Variants in ADGRB3 observed in about 807,000 individuals in gnomAD.
The protein encoded by ADGRB3 is adhesion G protein-coupled receptor B3.
In ADGRB3, 37 loss-of-function variants were observed where a neutral mutation model predicts 193.4. That is an observed-to-expected ratio of 0.19 (90% confidence interval 0.15 to 0.25). The LOEUF (loss-of-function observed/expected upper bound fraction) is 0.25. Ranked by LOEUF, ADGRB3 falls within the 10% of genes least tolerant of loss-of-function variation. ADGRB3 has a pLI of 1.00. For synonymous variants in ADGRB3, 690 were observed against 644.2 expected, an observed-to-expected ratio of 1.07 and a Z score of -1.08; for missense variants, 1,637 against 1,852.9, an observed-to-expected ratio of 0.88 and a Z score of 2.14.
At position 68,933,111 on chromosome 6, in the gene ADGRB3, T is replaced by C. The variant is rs149436448; in HGVS notation, c.868+2442T>C. Reference sequence around the variant, plus strand: ...AAATTAAATGATATCATATAATATATATATTTAATATAGACATCTAAATTA... The same window carrying C: ...AAATTAAATGATATCATATAATATACATATTTAATATAGACATCTAAATTA... On this transcript the variant is annotated intron_variant, in intron 4 of 31. Coordinates refer to ENST00000370598, the MANE Select transcript of ADGRB3 (RefSeq NM_001704.3). 4.2e-4 allele frequency among the ~76,000 whole-genome samples: 64 copies of C among 150,970 alleles called. No individual in the cohort carries two copies. The East Asian group carries it at 0.012, about 28-fold the overall frequency.
At chr6:69,105,684 G>A (rs960177766) in intron 17 of ADGRB3, among the ~76,000 whole-genome samples, 35 of 152,174 alleles carry the variant, frequency 2.3e-4, no homozygotes, top group African/African-American at 8.2e-4. Flanking sequence ...ATCATATAAT[G>A]CAGTTACTAG....
intron 3 of ADGRB3, among the ~76,000 whole-genome samples, chr6:68,823,819 A>G (rs73465077): frequency 0.043 from 6,565 of 152,234 alleles, 438 homozygotes; most frequent in African/African-American, 0.15. Flanking sequence ...CCTTCAAGTT[A>G]AAAGTGTCAT....
At chr6:69,006,697 C>T (rs6920896) in intron 11 of ADGRB3, among the ~76,000 whole-genome samples, 2 of 149,288 alleles carry the variant, frequency 1.3e-5, no homozygotes, top group East Asian at 2.0e-4. Flanking sequence ...TAGTAGAGAC[C>T]GAGTTTCACC....
At chr6:69,301,357 T>A (rs1306521137) in intron 20 of ADGRB3, among the ~76,000 whole-genome samples, 1 of 151,874 alleles carries the variant, frequency 6.6e-6, no homozygotes, top group Non-Finnish European at 1.5e-5. Context: ...TATTACCTAC[T>A]GTGCTACTGT....
chr6:69,299,587 T>C (rs371568007), intron 20 of ADGRB3, among the ~76,000 whole-genome samples: 1 of 152,062 alleles, frequency 6.6e-6, no homozygotes. Context: ...TCTAGTTTCA[T>C]TCTTCTGCAT....
chr6:68,802,123 C>T (rs1219328580), intron 3 of ADGRB3, among the ~76,000 whole-genome samples: 1 of 151,636 alleles, frequency 6.6e-6, no homozygotes, highest in African/African-American at 2.4e-5. Flanking sequence ...GACATAAACC[C>T]AAGACTCTCA....
rs182599623 is a variant in ADGRB3 at position 68,678,145 on chromosome 6, G to A, written c.757+38713G>A. On this transcript the variant is annotated intron_variant, in intron 3 of 31. Transcript: ENST00000370598. ...TTTAAAATACACTTTCAGGGCCTGG[G>A]TACTGTGGCTCATGCTTGTAATCCC... is the stretch of plus-strand genomic sequence containing the variant. 1.6e-3 allele frequency among the ~76,000 whole-genome samples: 243 copies of A among 152,158 alleles called. 3 individuals are homozygous for A. Among genetic ancestry groups the A allele is most frequent in the African/African-American group, 5.5e-3 (229 of 41,516 alleles).
At chr6:69,233,113 C>G (rs750655975) in intron 17 of ADGRB3, 177 bp from the exon 18 acceptor site, 2 of 904,180 alleles carry the variant, frequency 2.2e-6, no homozygotes, top group Admixed American at 2.7e-5. Context: ...CCCACTCTCG[C>G]TTTGCATTAC....
chr6:69,251,201 C>T (rs1766610326), intron 20 of ADGRB3, among the ~76,000 whole-genome samples: 2 of 152,160 alleles, frequency 1.3e-5, no homozygotes, highest in Non-Finnish European at 1.5e-5. Context: ...TTTTATATTC[C>T]TCCCTTATTA....
intron 3 of ADGRB3, among the ~76,000 whole-genome samples, chr6:68,886,070 C>T (rs1320481242): frequency 6.6e-6 from 1 of 152,022 alleles, no homozygotes; most frequent in Non-Finnish European, 1.5e-5. Flanking sequence ...GCCCTATAAA[C>T]GTTAGGAATG....
intron 3 of ADGRB3, among the ~76,000 whole-genome samples, chr6:68,864,124 TA>T (rs922870073): frequency 2.0e-5 from 3 of 152,210 alleles, no homozygotes; most frequent in African/African-American, 7.2e-5. Flanking sequence ...AAAAAACAAA[TA>T]TTTCAGATAT....
intron 17 of ADGRB3, among the ~76,000 whole-genome samples, chr6:69,155,592 A>G (rs1774811859): frequency 1.3e-5 from 2 of 152,236 alleles, no homozygotes; most frequent in African/African-American, 4.8e-5. Context: ...TTGAATCATC[A>G]TAGAATAGGG....
intron 3 of ADGRB3, among the ~76,000 whole-genome samples, chr6:68,685,614 T>G (rs962104235): frequency 6.6e-6 from 1 of 151,704 alleles, no homozygotes; most frequent in South Asian, 2.1e-4. Context: ...AGAAAGGGAA[T>G]TAAAAAAATA....
intron 10 of ADGRB3, among the ~76,000 whole-genome samples, chr6:68,982,108 A>G (rs1042736553): frequency 2.0e-5 from 3 of 151,132 alleles, no homozygotes; most frequent in Admixed American, 6.6e-5. Flanking sequence ...CTGGTCTTGA[A>G]CTCCTGACCT....
intron 3 of ADGRB3, among the ~76,000 whole-genome samples, chr6:68,718,467 G>A (rs1765521525): frequency 6.6e-6 from 1 of 151,758 alleles, no homozygotes; most frequent in African/African-American, 2.4e-5. Context: ...TAGTGCCTCT[G>A]TCAGCTCCAC....
chr6:68,784,950 C>A (rs1766930385), intron 3 of ADGRB3, among the ~76,000 whole-genome samples: 1 of 151,966 alleles, frequency 6.6e-6, no homozygotes, highest in African/African-American at 2.4e-5. Context: ...CAGATTACTG[C>A]CAAATATTGT....
chr6:69,008,758 C>T (rs1218662341), intron 11 of ADGRB3, among the ~76,000 whole-genome samples: 2 of 152,224 alleles, frequency 1.3e-5, no homozygotes, highest in African/African-American at 4.8e-5. Context: ...TGAATATCCA[C>T]AGCTGCTTCC....
intron 17 of ADGRB3, among the ~76,000 whole-genome samples, chr6:69,098,475 G>A (rs1330683335): frequency 6.6e-6 from 1 of 152,150 alleles, no homozygotes; most frequent in Non-Finnish European, 1.5e-5. Flanking sequence ...AGGAAAAGAG[G>A]TTTAATTGAC....
intron 30 of ADGRB3, among the ~76,000 whole-genome samples, chr6:69,373,579 C>T (rs1769750436): frequency 6.6e-6 from 1 of 151,922 alleles, no homozygotes; most frequent in Non-Finnish European, 1.5e-5. Context: ...TTAATTGTAT[C>T]CAAAGTTTTT....
Sources: gnomAD v4.1 joint callset for allele counts (sites outside exome capture counted in the v4.1 genomes callset) on GRCh38, gnomAD v4.1.1 for gene constraint, MANE v1.5 for transcripts, NCBI Gene and HGNC (gene_info 2026-07-23, HGNC 2026-07-21) for gene names.